Variants in RBFOX1 observed in about 807,000 individuals in gnomAD.
RBFOX1 encodes RNA binding fox-1 homolog 1.
In RBFOX1, 8 loss-of-function variants were observed where a neutral mutation model predicts 57.7. The ratio of observed to expected loss-of-function variants is 0.14; its 90% CI spans 0.08 to 0.25. The LOEUF (loss-of-function observed/expected upper bound fraction) is 0.25. RBFOX1 is among the 10% of genes least tolerant of loss of function. The probability of loss-of-function intolerance (pLI) is 1.00; values close to 1 mark genes in which losing one functional copy is unlikely to be tolerated. For synonymous variants in RBFOX1, 326 were observed against 222.4 expected (o/e 1.47, Z -4.15); for missense variants, 611 against 548.5 (o/e 1.11, Z -1.14).
chr16:5,457,701 C>T (rs972180221), intron 1 of RBFOX1, among the ~76,000 whole-genome samples: 2 of 152,234 alleles, frequency 1.3e-5, no homozygotes, highest in African/African-American at 4.8e-5. Flanking sequence ...GGACAATGCA[C>T]CCACCCCTGT....
At chr16:6,180,391 G>T (rs2097053714) in intron 1 of RBFOX1, among the ~76,000 whole-genome samples, 1 of 151,106 alleles carries the variant, frequency 6.6e-6, no homozygotes, top group Non-Finnish European at 1.5e-5. Context: ...TTTTATCTAG[G>T]TTATCTATTA....
Position 7,425,743 on chromosome 16 carries a change from C to G in RBFOX1, c.28-92404C>G, listed in dbSNP as rs113980440. Among the ~76,000 whole-genome samples the G allele has an allele frequency of 1.6e-3, 239 of 152,330 alleles. 6 individuals are homozygous for G. The highest frequency in any genetic ancestry group is 5.5e-3 in the African/African-American group (229 of 41,576). On this transcript the variant is annotated intron_variant, in intron 4 of 15. Transcript: ENST00000550418. ...TAGGGGGGATAGAGACCCCTCCTCC[C>G]TCTTTTAACAAATCCTCCCTTGAAC...
chr16:5,921,240 T>G (rs904643762), intron 4 of RBFOX1, among the ~76,000 whole-genome samples: 19 of 152,228 alleles, frequency 1.2e-4, no homozygotes, highest in Non-Finnish European at 2.2e-4. Flanking sequence ...GAGCTTTCTG[T>G]GTAGCTTCTC....
chr16:7,674,164 G>T (rs2072524416), intron 13 of RBFOX1, among the ~76,000 whole-genome samples: 1 of 152,080 alleles, frequency 6.6e-6, no homozygotes, highest in South Asian at 2.1e-4. Context: ...GCATACAGAA[G>T]AAAAATAGCA....
At chr16:6,233,298 T>C (rs11649244) in intron 1 of RBFOX1, among the ~76,000 whole-genome samples, 1 of 151,976 alleles carries the variant, frequency 6.6e-6, no homozygotes, top group African/African-American at 2.4e-5. Flanking sequence ...TAAGACATGA[T>C]TGCAGGGTGA....
intron 1 of RBFOX1, among the ~76,000 whole-genome samples, chr16:6,034,326 T>C (rs2095332596): frequency 1.5e-5 from 1 of 68,448 alleles, no homozygotes; most frequent in South Asian, 5.7e-4. Flanking sequence ...AGCGAGACTG[T>C]TGCGCAAAAA....
intron 10 of RBFOX1, among the ~76,000 whole-genome samples, chr16:7,617,894 A>G (rs960299359): frequency 7.9e-5 from 12 of 152,168 alleles, no homozygotes; most frequent in Non-Finnish European, 1.5e-5. Context: ...AAAGGGTAAG[A>G]GTTCACCTGG....
intron 1 of RBFOX1, among the ~76,000 whole-genome samples, chr16:5,431,316 C>G (rs1273871748): frequency 6.6e-6 from 1 of 152,214 alleles, no homozygotes; most frequent in Non-Finnish European, 1.5e-5. Context: ...TGCAGAAATA[C>G]TTGGTAAAAT....
At chr16:5,322,146 G>A (rs1433930925) in intron 1 of RBFOX1, among the ~76,000 whole-genome samples, 1 of 152,184 alleles carries the variant, frequency 6.6e-6, no homozygotes, top group Non-Finnish European at 1.5e-5. Context: ...ATATTTTCCA[G>A]GTCTTGCTTG....
chr16:6,998,396 G>C (rs1243315758), intron 3 of RBFOX1, among the ~76,000 whole-genome samples: 2 of 152,086 alleles, frequency 1.3e-5, no homozygotes, highest in African/African-American at 4.8e-5. Context: ...AAACTAATCT[G>C]AAGGGGGCAA....
chr16:5,774,318 T>C (rs1157962444), intron 3 of RBFOX1, among the ~76,000 whole-genome samples: 1 of 152,216 alleles, frequency 6.6e-6, no homozygotes, highest in Non-Finnish European at 1.5e-5. Context: ...CTGGCTTCCT[T>C]TGACATTTCT....
chr16:7,051,886 G>T (rs973814403), intron 3 of RBFOX1, among the ~76,000 whole-genome samples, 171 bp from the exon 4 acceptor site: 1 of 152,050 alleles, frequency 6.6e-6, no homozygotes, highest in Non-Finnish European at 1.5e-5. Flanking sequence ...TCACACAATT[G>T]AACTCCAAGT....
At chr16:5,373,117 G>T (rs1286578446) in intron 1 of RBFOX1, among the ~76,000 whole-genome samples, 1 of 152,224 alleles carries the variant, frequency 6.6e-6, no homozygotes, top group African/African-American at 2.4e-5. Flanking sequence ...GAGTGGGGAG[G>T]AGGAGGACGT....
chr16:6,863,758 A>C (rs543944551), intron 3 of RBFOX1, among the ~76,000 whole-genome samples: 68 of 66,604 alleles, frequency 1.0e-3, no homozygotes, highest in Non-Finnish European at 1.6e-3. Context: ...TTTTTACCAA[A>C]ACCAAATACA....
chr16:7,588,632 T>G (rs1055091444), intron 7 of RBFOX1, among the ~76,000 whole-genome samples: 2 of 152,170 alleles, frequency 1.3e-5, no homozygotes, highest in Non-Finnish European at 2.9e-5. Flanking sequence ...CCATTGACTC[T>G]CCTTACACAG....
chr16:6,214,459 A>G (rs2097318376), intron 1 of RBFOX1, among the ~76,000 whole-genome samples: 1 of 135,066 alleles, frequency 7.4e-6, no homozygotes, highest in Non-Finnish European at 1.6e-5. Flanking sequence ...TGAGAGGGAG[A>G]GCGACAGGGA....
chr16:5,313,682 A>G (rs1336594239), intron 1 of RBFOX1, among the ~76,000 whole-genome samples: 4 of 152,306 alleles, frequency 2.6e-5, no homozygotes, highest in Middle Eastern at 3.4e-3. Context: ...GAGTTTGTGT[A>G]GGGGAACTCC....
chr16:5,828,616 T>C (rs2056158611), intron 3 of RBFOX1, among the ~76,000 whole-genome samples: 1 of 152,020 alleles, frequency 6.6e-6, no homozygotes, highest in South Asian at 2.1e-4. Flanking sequence ...GGAGGATCGG[T>C]TGAACCCAGG....
chr16:5,574,985 C>G (rs552475852), intron 2 of RBFOX1, among the ~76,000 whole-genome samples: 1 of 152,266 alleles, frequency 6.6e-6, no homozygotes, highest in Admixed American at 6.5e-5. Flanking sequence ...TGGCTTCTGG[C>G]CTTGTCCCCT....
Sources: allele counts gnomAD v4.1 joint callset (sites outside exome capture counted in the v4.1 genomes callset), GRCh38; gene constraint gnomAD v4.1.1; transcripts MANE v1.5; gene names NCBI Gene and HGNC (gene_info 2026-07-23, HGNC 2026-07-21).